TTC29: variants seen among roughly 807,000 people sequenced by gnomAD.
TTC29 encodes tetratricopeptide repeat domain 29, also known as tetratricopeptide repeat protein 29.
A neutral mutation model predicts 58.1 loss-of-function variants in TTC29; 49 were observed. That is an observed-to-expected ratio of 0.84 (90% CI 0.67 to 1.07). The LOEUF (loss-of-function observed/expected upper bound fraction) is 1.07, where lower values mean the gene tolerates loss of function less well. Ranked by LOEUF, TTC29 falls within the 50% of genes least tolerant of loss-of-function variation. TTC29 has a pLI of 0.00. For missense variants in TTC29, 582 were observed against 555.6 expected, an observed-to-expected ratio of 1.05 and a Z score of -0.48; for synonymous variants, 209 against 196.8, an observed-to-expected ratio of 1.06 and a Z score of -0.52.
chr4:146,942,391 T>A (rs1405840663), intron 2 of TTC29, among the ~76,000 whole-genome samples: 1 of 152,198 alleles, frequency 6.6e-6, no homozygotes, highest in Non-Finnish European at 1.5e-5. Context: ...TATAACTTCA[T>A]AACGTAATGA....
In TTC29 at chr4:146,728,790, TATACGTATATATAC is replaced by T. The variant is rs1345467229; in HGVS notation, c.1331-21253_1331-21240del. On this transcript the variant is annotated intron_variant, in intron 11 of 12. Coordinates refer to ENST00000325106, the MANE Select transcript of TTC29 (RefSeq NM_031956.4). Reference sequence around the variant, plus strand: ...ATATATACACATATATATGTGTATATATACGTATATATACACATATATATGTGTATATATACATA... The same window carrying T: ...ATATATACACATATATATGTGTATATACATATATATGTGTATATATACATA... Among the ~76,000 whole-genome samples, 95 of 134,280 alleles carry T rather than the reference TATACGTATATATAC, an allele frequency of 7.1e-4. 1 individual carries two copies. Among genetic ancestry groups the T allele is most frequent in the African/African-American group, 2.7e-3 (93 of 33,918 alleles). The allele number at this position is 134,280 out of a possible 152,430, so 88.1% of individuals were successfully genotyped here.
At chr4:146,931,173 T>C (rs1205859021) in intron 4 of TTC29, among the ~76,000 whole-genome samples, 1 of 151,756 alleles carries the variant, frequency 6.6e-6, no homozygotes, top group Non-Finnish European at 1.5e-5. Flanking sequence ...TGAGACCCTG[T>C]CTCTACAAAA....
intron 8 of TTC29, among the ~76,000 whole-genome samples, chr4:146,836,041 A>T (rs1728487673): frequency 6.6e-6 from 1 of 152,156 alleles, no homozygotes; most frequent in African/African-American, 2.4e-5. Flanking sequence ...TTCATGTCCT[A>T]GCCTTCCATA....
chr4:146,892,717 T>G (rs1732466473), intron 6 of TTC29, among the ~76,000 whole-genome samples: 1 of 152,282 alleles, frequency 6.6e-6, no homozygotes, highest in Non-Finnish European at 1.5e-5. Flanking sequence ...TAAACGATAT[T>G]CAATTAGGAA....
intron 4 of TTC29, among the ~76,000 whole-genome samples, chr4:146,921,597 T>G (rs1247077927): frequency 6.6e-6 from 1 of 151,204 alleles, no homozygotes; most frequent in Non-Finnish European, 1.5e-5. Context: ...GATATTATTA[T>G]AAACAGATCA....
chr4:146,850,327 G>T (rs1248407390), intron 8 of TTC29, among the ~76,000 whole-genome samples: 4 of 152,182 alleles, frequency 2.6e-5, no homozygotes, highest in Admixed American at 2.6e-4. Context: ...ACTGGTAAAT[G>T]GTCAAGAAAG....
intron 11 of TTC29, among the ~76,000 whole-genome samples, chr4:146,753,375 T>A (rs1432515747): frequency 2.6e-5 from 4 of 152,168 alleles, no homozygotes; most frequent in Admixed American, 1.3e-4. Context: ...CCAGTTAGAA[T>A]GACGATCATT....
intron 8 of TTC29, among the ~76,000 whole-genome samples, chr4:146,845,142 T>C (rs1377189134): frequency 6.6e-6 from 1 of 152,176 alleles, no homozygotes; most frequent in Non-Finnish European, 1.5e-5. Flanking sequence ...CAATCAACTC[T>C]TGTACTTGAG....
chr4:146,821,182 G>C (rs543384860), intron 9 of TTC29, among the ~76,000 whole-genome samples: 1 of 152,278 alleles, frequency 6.6e-6, no homozygotes, highest in Admixed American at 6.5e-5. Context: ...TGGAAAGTAG[G>C]CTAGTGGTCG....
intron 11 of TTC29, among the ~76,000 whole-genome samples, chr4:146,770,949 C>T (rs1173195298): frequency 6.6e-6 from 1 of 152,064 alleles, no homozygotes; most frequent in African/African-American, 2.4e-5. Flanking sequence ...AATTGCTTAG[C>T]ATAGGGCCTA....
At chr4:146,849,451 C>T (rs903457913) in intron 8 of TTC29, among the ~76,000 whole-genome samples, 1 of 152,140 alleles carries the variant, frequency 6.6e-6, no homozygotes, top group Non-Finnish European at 1.5e-5. Flanking sequence ...CCTTCTGCCC[C>T]AGTTGCCAGA....
chr4:146,750,155 C>A (rs932654231), intron 11 of TTC29, among the ~76,000 whole-genome samples: 1 of 152,044 alleles, frequency 6.6e-6, no homozygotes, highest in East Asian at 1.9e-4. Context: ...CTACAGGCGC[C>A]TGCCACCAGG....
At chr4:146,740,983 A>C (rs1343696858) in intron 11 of TTC29, among the ~76,000 whole-genome samples, 1 of 152,178 alleles carries the variant, frequency 6.6e-6, no homozygotes, top group Non-Finnish European at 1.5e-5. Context: ...CAGCCTCCCT[A>C]GGCGCTGGAA....
chr4:146,779,023 A>AAGAAAAAGAAT (rs1748364862), intron 11 of TTC29, among the ~76,000 whole-genome samples: 1 of 150,962 alleles, frequency 6.6e-6, no homozygotes, highest in Non-Finnish European at 1.5e-5. Context: ...AGAAAAAGAA[A>AAGAAAAAGAAT]TGCTGTTGTA....
At chr4:146,924,230 A>C (rs2150308803) in intron 4 of TTC29, among the ~76,000 whole-genome samples, 1 of 151,960 alleles carries the variant, frequency 6.6e-6, no homozygotes, top group Non-Finnish European at 1.5e-5. Context: ...TAACATTGTC[A>C]TGAAGATCTT....
At chr4:146,743,711 C>T (rs529121017) in intron 11 of TTC29, among the ~76,000 whole-genome samples, 91 of 152,238 alleles carry the variant, frequency 6.0e-4, no homozygotes, top group African/African-American at 2.0e-3. Flanking sequence ...CTTCTTATTT[C>T]GCTTTAGAAG....
chr4:146,708,334 A>ATG (rs1579491090), intron 11 of TTC29, among the ~76,000 whole-genome samples: 2 of 74,044 alleles, frequency 2.7e-5, no homozygotes, highest in East Asian at 8.1e-4. Flanking sequence ...ATATATATAT[A>ATG]TATATATATA....
At chr4:146,874,970 G>A (rs1230956383) in intron 6 of TTC29, 42 bp from the exon 7 acceptor site, 2 of 1,541,296 alleles carry the variant, frequency 1.3e-6, no homozygotes, top group East Asian at 2.3e-5. Context: ...CCAGAGGACG[G>A]AACGTATTTT....
intron 11 of TTC29, among the ~76,000 whole-genome samples, chr4:146,716,763 A>C (rs1332653358): frequency 6.6e-6 from 1 of 152,176 alleles, no homozygotes; most frequent in Admixed American, 6.6e-5. Context: ...TGAAAAACCC[A>C]AACAATTCCC....
Sources: allele counts gnomAD v4.1 joint callset (sites outside exome capture counted in the v4.1 genomes callset), GRCh38; gene constraint gnomAD v4.1.1; transcripts MANE v1.5; gene names NCBI Gene and HGNC (gene_info 2026-07-23, HGNC 2026-07-21).